Variants in FAR2 observed in about 807,000 individuals in gnomAD.
The protein encoded by FAR2 is fatty acyl-CoA reductase 2, also known as epididymis secretory protein Li 81.
FAR2 carries 19 observed loss-of-function variants against 56.0 expected under a neutral mutation model. That is an observed-to-expected ratio of 0.34 (90% confidence interval 0.24 to 0.50). The LOEUF (loss-of-function observed/expected upper bound fraction) is 0.50, where lower values mean the gene tolerates loss of function less well. Ranked by LOEUF, FAR2 falls within the 20% of genes least tolerant of loss-of-function variation. FAR2 has a pLI of 0.98. For synonymous variants in FAR2, 219 were observed against 218.8 expected (o/e 1.00, Z -0.01); for missense variants, 508 against 642.2 (o/e 0.79, Z 2.26).
intron 10 of FAR2, among the ~76,000 whole-genome samples, chr12:29,327,008 C>G (rs1249083876): frequency 6.6e-6 from 1 of 152,116 alleles, no homozygotes; most frequent in Non-Finnish European, 1.5e-5. Context: ...AAAACCCCAT[C>G]ATCTCAGCCC....
chr12:29,235,138 A>G (rs1947919691), intron 1 of FAR2, among the ~76,000 whole-genome samples: 1 of 152,274 alleles, frequency 6.6e-6, no homozygotes, highest in Non-Finnish European at 1.5e-5. Flanking sequence ...CTTATTCACT[A>G]TCACCCCTTG....
At chr12:29,300,266 A>C (rs1949140941) in intron 4 of FAR2, among the ~76,000 whole-genome samples, 1 of 152,062 alleles carries the variant, frequency 6.6e-6, no homozygotes, top group African/African-American at 2.4e-5. Flanking sequence ...CTGGTTGTTC[A>C]TTTTTTTCTT....
chr12:29,310,346 T>C (rs569327906), intron 6 of FAR2, among the ~76,000 whole-genome samples: 12 of 152,316 alleles, frequency 7.9e-5, no homozygotes, highest in African/African-American at 2.9e-4. Flanking sequence ...AAATCAATGT[T>C]GGAAACATGC....
At chr12:29,274,845 C>G (rs1948681826) in intron 2 of FAR2, among the ~76,000 whole-genome samples, 1 of 151,588 alleles carries the variant, frequency 6.6e-6, no homozygotes, top group Non-Finnish European at 1.5e-5. Context: ...ACCCCTATCT[C>G]CCTTCGCTGA....
chr12:29,289,584 C>A (rs1407919361), intron 2 of FAR2, among the ~76,000 whole-genome samples: 1 of 152,122 alleles, frequency 6.6e-6, no homozygotes, highest in Non-Finnish European at 1.5e-5. Flanking sequence ...AACTATGAAA[C>A]TACTACAAGA....
At chr12:29,318,387 A>G (rs1949491655) in intron 9 of FAR2, among the ~76,000 whole-genome samples, 1 of 152,254 alleles carries the variant, frequency 6.6e-6, no homozygotes, top group African/African-American at 2.4e-5. Context: ...AGGTTTTAAA[A>G]TATATCAGGA....
chr12:29,322,661 G>A (rs560347712), intron 10 of FAR2, among the ~76,000 whole-genome samples: 2 of 152,222 alleles, frequency 1.3e-5, no homozygotes, highest in African/African-American at 2.4e-5. Context: ...CATGTATCCC[G>A]TTTTTAACTA....
chr12:29,152,899 G>A (rs1197510021), intron 1 of FAR2, among the ~76,000 whole-genome samples: 1 of 152,216 alleles, frequency 6.6e-6, no homozygotes, highest in African/African-American at 2.4e-5. Flanking sequence ...CTGCAACAGA[G>A]ATGAACAAAC....
chr12:29,258,046 C>A (rs562628192), intron 1 of FAR2, among the ~76,000 whole-genome samples: 1 of 151,992 alleles, frequency 6.6e-6, no homozygotes, highest in Non-Finnish European at 1.5e-5. Context: ...TCTTTTCCAC[C>A]GATAAAAATC....
rs570561218 is a variant in FAR2 at position 29,256,657 on chromosome 12, G to A, written c.-38-13755G>A. 2.7e-3 allele frequency among the ~76,000 whole-genome samples: 418 copies of A among 152,238 alleles called. 1 individual carries two copies. Among genetic ancestry groups the A allele is most frequent in the Non-Finnish European group, 3.3e-3 (221 of 67,992 alleles). On this transcript the variant is annotated intron_variant, in intron 1 of 11. Transcript: ENST00000536681. ...GAGGTGTGGAGGGAGAGGCGCGGGC[G>A]GGAACAGAGGCTGTGCGTGGCACTT...
At chr12:29,302,675 G>T (rs1214226045) in intron 4 of FAR2, among the ~76,000 whole-genome samples, 1 of 152,186 alleles carries the variant, frequency 6.6e-6, no homozygotes, top group African/African-American at 2.4e-5. Context: ...GCATTTTTGT[G>T]TGTAATTTGG....
intron 1 of FAR2, among the ~76,000 whole-genome samples, chr12:29,187,091 C>T (rs1368677655): frequency 6.6e-6 from 1 of 152,110 alleles, no homozygotes; most frequent in Non-Finnish European, 1.5e-5. Flanking sequence ...CCCGGCCCGG[C>T]TTAGTTCTTA....
chr12:29,258,969 C>A (rs925731406), intron 1 of FAR2, among the ~76,000 whole-genome samples: 7 of 152,092 alleles, frequency 4.6e-5, no homozygotes, highest in African/African-American at 1.7e-4. Context: ...ATTTTCCATA[C>A]GTGTAATTTG....
intron 1 of FAR2, among the ~76,000 whole-genome samples, chr12:29,261,424 C>A (rs77563687): frequency 0.068 from 10,384 of 152,030 alleles, 413 homozygotes; most frequent in South Asian, 0.13. Context: ...ATGAAGCATG[C>A]CTACAAGATC....
At chr12:29,299,355 A>G (rs1949123451) in intron 4 of FAR2, among the ~76,000 whole-genome samples, 1 of 152,216 alleles carries the variant, frequency 6.6e-6, no homozygotes, top group South Asian at 2.1e-4. Flanking sequence ...GTTTCAAAGA[A>G]GAATAAACTC....
At chr12:29,290,312 G>T (rs1179837603) in intron 2 of FAR2, among the ~76,000 whole-genome samples, 1 of 152,078 alleles carries the variant, frequency 6.6e-6, no homozygotes, top group Non-Finnish European at 1.5e-5. Flanking sequence ...CAGACATGGT[G>T]GTGCATACTT....
chr12:29,195,560 A>G (rs1950137422), intron 1 of FAR2, among the ~76,000 whole-genome samples: 1 of 152,246 alleles, frequency 6.6e-6, no homozygotes, highest in South Asian at 2.1e-4. Flanking sequence ...TGATGGTCCT[A>G]TATCTATGCT....
chr12:29,306,084 GGTCA>G (rs920820474), intron 4 of FAR2, among the ~76,000 whole-genome samples: 2 of 151,870 alleles, frequency 1.3e-5, no homozygotes, highest in African/African-American at 4.8e-5. Context: ...AATGGTCTCA[GGTCA>G]GTCAATCCAC....
intron 1 of FAR2, among the ~76,000 whole-genome samples, chr12:29,264,544 G>T (rs1948478260): frequency 6.6e-6 from 1 of 151,844 alleles, no homozygotes; most frequent in African/African-American, 2.4e-5. Context: ...GGAGGTCAAG[G>T]TGGGAGCATT....
Sources: gnomAD v4.1 joint callset for allele counts (sites outside exome capture counted in the v4.1 genomes callset) on GRCh38, gnomAD v4.1.1 for gene constraint, MANE v1.5 for transcripts, NCBI Gene and HGNC (gene_info 2026-07-23, HGNC 2026-07-21) for gene names.